The following GPR37 variants were observed in gnomAD, a reference collection of about 807,000 sequenced individuals.
GPR37 encodes the protein G protein-coupled receptor 37.
GPR37 carries 20 observed loss-of-function variants against 43.6 expected under a neutral mutation model. The observed-to-expected ratio is 0.46, with a 90% CI of 0.32 to 0.67. The LOEUF is 0.67. Among genes scored for constraint, GPR37 ranks in the 30% least tolerant of loss-of-function variants. The probability of loss-of-function intolerance (pLI) is 0.03; values close to 1 mark genes in which losing one functional copy is unlikely to be tolerated. For missense variants in GPR37, 724 were observed against 797.2 expected, an observed-to-expected ratio of 0.91 and a Z score of 1.11; for synonymous variants, 315 against 322.6, an observed-to-expected ratio of 0.98 and a Z score of 0.25.
Position 124,764,028 on chromosome 7 carries a change from G to A in GPR37, c.949C>T (p.Leu317=), listed in dbSNP as rs545760011. ...DFLIIFFCLP[L]VIFHELTKKW... ...TTGGTCAGCTCGTGGAAGATGACCA[G>A]CGGAAGGCAGAAGAAGATGATGAGA... Residue 317 remains leucine (L), a synonymous_variant, in exon 1 of 2, where the codon CTG becomes TTG. Coordinates refer to ENST00000303921, the MANE Select transcript of GPR37 (RefSeq NM_005302.5). This position sits in a 1 kb window ranked among gnomAD's most constrained non-coding sequence, Gnocchi z 5.4. 194 of 1,614,156 alleles carry A rather than the reference G, an allele frequency of 1.2e-4. No homozygotes were observed. In the South Asian group the frequency reaches 1.9e-3, roughly 16 times the overall value.
In GPR37 at chr7:124,764,911, C is replaced by A; in HGVS notation, c.66G>T (p.Val22=). ...CGACCCCGAGGGCAGAAGAGGCAGA[C>A]ACCTTGAGCAGTAGCAGAAGCAGTA... ...SRLLLLLLLK[V]SASSALGVAP... Residue 22 remains valine (V), a synonymous_variant, in exon 1 of 2, where the codon GTG becomes GTT. Transcript: ENST00000303921. The surrounding 1 kb of genome is among the most constrained non-coding windows in gnomAD (Gnocchi z 5.4). 6.3e-7 allele frequency: 1 copy of A among 1,580,966 alleles called. No homozygotes were observed. The highest frequency in any genetic ancestry group is 8.6e-7 in the Non-Finnish European group (1 of 1,165,512).
At chr7:124,752,716 G>C (rs148246712) in intron 1 of GPR37, among the ~76,000 whole-genome samples, 1 of 152,238 alleles carries the variant, frequency 6.6e-6, no homozygotes, top group Non-Finnish European at 1.5e-5. Flanking sequence ...CATTTCAAGA[G>C]ATATGATCCA....
At chr7:124,750,165 C>A (rs1374794839) in intron 1 of GPR37, among the ~76,000 whole-genome samples, 2 of 152,174 alleles carry the variant, frequency 1.3e-5, no homozygotes, top group African/African-American at 4.8e-5. Flanking sequence ...AATTACAGTA[C>A]CTTAGTTTAT....
rs1180228983 is a variant in GPR37 at position 124,744,286 on chromosome 7, C to G, written c.*2239G>C. On this transcript the variant is annotated 3_prime_UTR_variant, in exon 2 of 2. Coordinates refer to ENST00000303921, the MANE Select transcript of GPR37 (RefSeq NM_005302.5). The stretch of plus-strand genomic sequence containing the variant: ...ATTGCAGAGCTGGGATACTATTTCT[C>G]CATACTCAAAAACCTTAAAAGCAAA... The G allele has an allele frequency of 6.6e-6, 1 of 152,114 alleles. No individual in the cohort carries two copies. Among genetic ancestry groups the G allele is most frequent in the Non-Finnish European group, 1.5e-5 (1 of 68,028 alleles). 9.4% of individuals were successfully genotyped at this position (152,114 alleles called of 1,614,324 possible).
chr7:124,755,219 C>T (rs951647923), intron 1 of GPR37, among the ~76,000 whole-genome samples: 5 of 152,240 alleles, frequency 3.3e-5, no homozygotes, highest in Non-Finnish European at 7.4e-5. Context: ...TTATCCTTAT[C>T]AACTGATATT....
chr7:124,764,179 A>C lies in GPR37; in HGVS notation c.798T>G (p.Cys266Trp). The change falls in exon 1 of 2, where the codon TGT (cysteine) becomes TGG (tryptophan). Residue 266 changes from cysteine to tryptophan, a missense_variant. Transcript: ENST00000303921. This position sits in a 1 kb window ranked among gnomAD's most constrained non-coding sequence, Gnocchi z 5.4. ...QESYGAYAVM[C>W]LSVVIFGTGI... ...CGGTCCCGAAGATCACCACGGACAG[A>C]CACATGACCGCGTAGGCTCCATAGG... is the stretch of plus-strand genomic sequence containing the variant. 6.3e-7 allele frequency: 1 copy of C among 1,597,100 alleles called. No individual in the cohort carries two copies. Among genetic ancestry groups the C allele is most frequent in the African/African-American group, 1.3e-5 (1 of 74,792 alleles).
rs1793661069 is a variant in GPR37, at chr7:124,745,513, T to TCC, written c.*1010_*1011dup. On this transcript the variant is annotated 3_prime_UTR_variant, in exon 2 of 2. Coordinates refer to ENST00000303921, the MANE Select transcript of GPR37 (RefSeq NM_005302.5). ...TAAAAATATATAAATATTTTATTAT[T>TCC]CCACTCCTATACTTTCATTGCACTT... Among the ~76,000 whole-genome samples the TCC allele has an allele frequency of 6.6e-6, 1 of 152,184 alleles. No homozygotes were observed. The highest frequency in any genetic ancestry group is 1.5e-5 in the Non-Finnish European group (1 of 68,034).
Position 124,764,484 on chromosome 7 carries a change from T to A in GPR37, c.493A>T (p.Ser165Cys). 1.9e-6 allele frequency: 3 copies of A among 1,613,664 alleles called. No homozygotes were observed. Among genetic ancestry groups the A allele is most frequent in the Non-Finnish European group, 2.5e-6 (3 of 1,180,040 alleles). Residue 165 changes from serine (S) to cysteine (C), a missense_variant, in exon 1 of 2, where the codon AGC becomes TGC. By Grantham distance (112) the Ser-to-Cys change is moderately radical (BLOSUM62 -1). Coordinates refer to ENST00000303921, the MANE Select transcript of GPR37 (RefSeq NM_005302.5). The surrounding 1 kb of genome is among the most constrained non-coding windows in gnomAD (Gnocchi z 5.4). ...ACTGTCTTCACACTCTGCTCCTGGC[T>A]ACGCCCGGAAATGCCAGCGCCTCTG... ...GPRGAGISGR[S>C]QEQSVKTVPG... is the part of the protein sequence containing the mutation.
At chr7:124,763,291 A>G (rs58249884) in intron 1 of GPR37, among the ~76,000 whole-genome samples, 35 of 152,338 alleles carry the variant, frequency 2.3e-4, no homozygotes, top group African/African-American at 8.2e-4. Context: ...GTTCACGCAA[A>G]CACACAAAAA....
chr7:124,764,284 C>T lies in GPR37; in HGVS notation c.693G>A (p.Glu231=). Reference sequence around the variant, plus strand: ...TGTTTCCCCGGCGGGGACCCCCAGGCTCATGGATTCCTTCACCCAAGGATC... The same window carrying T: ...TGTTTCCCCGGCGGGGACCCCCAGGTTCATGGATTCCTTCACCCAAGGATC... ...QNGSLGEGIH[E]PGGPRRGNST... is the part of the protein sequence containing the mutation. The change falls in exon 1 of 2, where the codon GAG becomes GAA. Residue 231 remains glutamate, a synonymous_variant. Transcript: ENST00000303921. The surrounding 1 kb of genome is among the most constrained non-coding windows in gnomAD (Gnocchi z 5.4). 3.1e-6 allele frequency: 5 copies of T among 1,601,230 alleles called. No individual in the cohort carries two copies. In the African/African-American group the frequency reaches 4.0e-5, roughly 13 times the overall value.
At chr7:124,760,292 T>C (rs1216086292) in intron 1 of GPR37, among the ~76,000 whole-genome samples, 1 of 152,054 alleles carries the variant, frequency 6.6e-6, no homozygotes, top group Admixed American at 6.5e-5. Flanking sequence ...TTTTTAAAAG[T>C]CTTGAGGTCA....
Position 124,764,368 on chromosome 7 carries a change from T to G in GPR37, c.609A>C (p.Gly203=), listed in dbSNP as rs758228603. The G allele has an allele frequency of 4.3e-6, 7 of 1,613,534 alleles. No homozygotes were observed. Among genetic ancestry groups the G allele is most frequent in the Non-Finnish European group, 5.9e-6 (7 of 1,180,020 alleles). ...HHKPLSKTAN[G]LAGHEGWTIA... The stretch of plus-strand genomic sequence containing the variant: ...TTGTCCACCCTTCGTGCCCCGCCAG[T>G]CCATTGGCCGTCTTGGACAGGGGCT... The change falls in exon 1 of 2, where the codon GGA becomes GGC. Residue 203 remains glycine (G), a synonymous_variant. Transcript: ENST00000303921. The surrounding 1 kb of genome is among the most constrained non-coding windows in gnomAD (Gnocchi z 5.4).
chr7:124,756,522 C>T (rs572768567), intron 1 of GPR37, among the ~76,000 whole-genome samples: 23 of 152,202 alleles, frequency 1.5e-4, no homozygotes, highest in Admixed American at 3.3e-4. Context: ...CCATATTTGA[C>T]GTTGCAGTAA....
Position 124,746,698 on chromosome 7 carries a change from TGAAGGGTTTGCA to T in GPR37, c.1657_1668del (p.Cys553_Phe556del). On this transcript the variant is annotated inframe_deletion, in exon 2 of 2. Coordinates refer to ENST00000303921, the MANE Select transcript of GPR37 (RefSeq NM_005302.5). ...CAGCAGCACTCCATGAAGGCCCGAC[TGAAGGGTTTGCA>T]GAGACAGAAAAGGAGGACTGGGGTG... is the stretch of plus-strand genomic sequence containing the variant. The T allele has an allele frequency of 6.2e-7, 1 of 1,613,920 alleles. No individual in the cohort carries two copies. Among genetic ancestry groups the T allele is most frequent in the Non-Finnish European group, 8.5e-7 (1 of 1,179,896 alleles).
intron 1 of GPR37, among the ~76,000 whole-genome samples, chr7:124,762,463 A>AT (rs1793861818): frequency 6.7e-6 from 1 of 150,022 alleles, no homozygotes; most frequent in African/African-American, 2.5e-5. Flanking sequence ...TCTTTCTTGC[A>AT]TAAGTCAATT....
intron 1 of GPR37, among the ~76,000 whole-genome samples, chr7:124,756,591 G>A (rs4731207): frequency 0.47 from 71,928 of 152,078 alleles, 17,200 homozygotes; most frequent in East Asian, 0.51. Context: ...GGCACAAAGA[G>A]TATTATTCCA....
chr7:124,748,442 G>A (rs1356426579), intron 1 of GPR37, among the ~76,000 whole-genome samples: 2 of 151,950 alleles, frequency 1.3e-5, no homozygotes, highest in African/African-American at 4.8e-5. Context: ...TTTAAAACCA[G>A]GCCTCAAAAA....
chr7:124,753,755 G>A (rs1793758171), intron 1 of GPR37, among the ~76,000 whole-genome samples: 1 of 152,062 alleles, frequency 6.6e-6, no homozygotes, highest in Non-Finnish European at 1.5e-5. Context: ...CCACTGGCAA[G>A]ACTGAATTTA....
At position 124,765,647 on chromosome 7, in the gene GPR37, C is replaced by CT. The variant is rs1399583319; in HGVS notation, c.-672dup. ...AACCCCGCGGCCACTGCCAAAGTTG[C>CT]TTCTCCTCCAGCTCAAAGTTGACGA... On this transcript the variant is annotated 5_prime_UTR_variant, in exon 1 of 2. Coordinates refer to ENST00000303921, the MANE Select transcript of GPR37 (RefSeq NM_005302.5). The CT allele has an allele frequency of 1.3e-5, 2 of 152,300 alleles. No individual in the cohort carries two copies. The highest frequency in any genetic ancestry group is 2.9e-5 in the Non-Finnish European group (2 of 68,078). 9.4% of individuals were successfully genotyped at this position (152,300 alleles called of 1,614,324 possible). A position where few individuals can be genotyped will look rare whatever the true frequency, so the allele number is the denominator to read the frequency against.
Sources: allele counts gnomAD v4.1 joint callset (sites outside exome capture counted in the v4.1 genomes callset), GRCh38; gene constraint gnomAD v4.1.1; non-coding constraint Gnocchi (gnomAD v3.1); transcripts MANE v1.5; gene names NCBI Gene and HGNC (gene_info 2026-07-23, HGNC 2026-07-21).